Variants in AGAP1 observed in about 807,000 individuals in gnomAD.
The protein encoded by AGAP1 is ArfGAP with GTPase domain, ankyrin repeat and PH domain 1.
Under a neutral mutation model 105.3 loss-of-function variants are expected in AGAP1, and 29 were observed. That is an observed-to-expected ratio of 0.28 (90% CI 0.21 to 0.38). The LOEUF (loss-of-function observed/expected upper bound fraction) is 0.38, where lower values mean the gene tolerates loss of function less well. Among genes scored for constraint, AGAP1 ranks in the 10% least tolerant of loss-of-function variants. AGAP1 has a pLI of 1.00. For synonymous variants in AGAP1, 509 were observed against 485.9 expected (o/e 1.05, Z -0.63); for missense variants, 998 against 1,165.1 (o/e 0.86, Z 2.09).
chr2:235,924,181 A>G (rs942741624), intron 11 of AGAP1, among the ~76,000 whole-genome samples: 3 of 152,128 alleles, frequency 2.0e-5, no homozygotes, highest in Admixed American at 2.0e-4. Flanking sequence ...ATCTTAAGGT[A>G]GTATCTTAGG....
chr2:235,971,825 C>G lies in AGAP1; in HGVS notation c.1645+3202C>G, dbSNP rs1208347887. The stretch of plus-strand genomic sequence containing the variant: ...ACAGGTCCTCGCTCTGTCACCCAGG[C>G]TGGGGTGTAGTGGTGCAGTCACGGC... On this transcript the variant is annotated intron_variant, in intron 13 of 17. Coordinates refer to ENST00000304032, the MANE Select transcript of AGAP1 (RefSeq NM_001037131.3). This position sits in a 1 kb window ranked among gnomAD's most constrained non-coding sequence, Gnocchi z 4.8. 2.0e-5 allele frequency among the ~76,000 whole-genome samples: 3 copies of G among 150,714 alleles called. No homozygotes were observed. The highest frequency in any genetic ancestry group is 3.0e-5 in the Non-Finnish European group (2 of 67,782).
rs1951313380 is a variant in AGAP1, at chr2:235,720,257, T to C, written c.310+2613T>C. 2.0e-5 allele frequency among the ~76,000 whole-genome samples: 3 copies of C among 152,214 alleles called. No individual in the cohort carries two copies. Among genetic ancestry groups the C allele is most frequent in the African/African-American group, 7.2e-5 (3 of 41,456 alleles). On this transcript the variant is annotated intron_variant, in intron 3 of 17. Transcript: ENST00000304032. This position sits in a 1 kb window ranked among gnomAD's most constrained non-coding sequence, Gnocchi z 5.0. Reference sequence around the variant, plus strand: ...TCAATTTTTGTCCAGTGAGTTAGTGTTGATCAATTACCCATGCTTTGCTTA... The same window carrying C: ...TCAATTTTTGTCCAGTGAGTTAGTGCTGATCAATTACCCATGCTTTGCTTA...
chr2:235,807,053 C>T (rs1193295494), intron 8 of AGAP1, among the ~76,000 whole-genome samples, 186 bp from the exon 9 acceptor site: 1 of 152,210 alleles, frequency 6.6e-6, no homozygotes, highest in Non-Finnish European at 1.5e-5. Context: ...AGATGATTCT[C>T]TTTAAAAATG....
Position 235,553,987 on chromosome 2 carries a change from GTTT to G in AGAP1, c.163+59140_163+59142del, listed in dbSNP as rs531063394. Among the ~76,000 whole-genome samples, 9 of 152,286 alleles carry G rather than the reference GTTT, an allele frequency of 5.9e-5. No individual in the cohort carries two copies. In the South Asian group the frequency reaches 1.9e-3, roughly 32 times the overall value. On this transcript the variant is annotated intron_variant, in intron 1 of 17. Coordinates refer to ENST00000304032, the MANE Select transcript of AGAP1 (RefSeq NM_001037131.3). This position sits in a 1 kb window ranked among gnomAD's most constrained non-coding sequence, Gnocchi z 4.5. Reference sequence around the variant, plus strand: ...TGGACCCCTTACTGGGTGGACAAAGGTTTTCTGTGTGACTCACCTCTGGCCAGA... The same window carrying G: ...TGGACCCCTTACTGGGTGGACAAAGGTCTGTGTGACTCACCTCTGGCCAGA...
At chr2:235,921,866 C>T (rs2125107497) in intron 11 of AGAP1, among the ~76,000 whole-genome samples, 1 of 152,324 alleles carries the variant, frequency 6.6e-6, no homozygotes, top group Middle Eastern at 3.4e-3. Flanking sequence ...ATTCCACTTG[C>T]CAAAAGCAAG....
chr2:235,794,381 G>A (rs890868006), intron 6 of AGAP1, among the ~76,000 whole-genome samples: 1 of 152,140 alleles, frequency 6.6e-6, no homozygotes, highest in Non-Finnish European at 1.5e-5. Flanking sequence ...TTTAGATTTG[G>A]GAGTAGCTCA....
Position 235,876,388 on chromosome 2 carries a change from G to A in AGAP1, c.1051-6957G>A, listed in dbSNP as rs533125961. Among the ~76,000 whole-genome samples the A allele has an allele frequency of 3.3e-5, 5 of 152,326 alleles. No homozygotes were observed. In the South Asian group the frequency reaches 1.0e-3, roughly 32 times the overall value. ...ATTCTGATTCTGTGTTGGCCAAGCA[G>A]ATTATAACCCGGCCCTTGCGTGCTA... is the stretch of plus-strand genomic sequence containing the variant. On this transcript the variant is annotated intron_variant, in intron 9 of 17. Coordinates refer to ENST00000304032, the MANE Select transcript of AGAP1 (RefSeq NM_001037131.3).
rs1166523228 is a variant in AGAP1, at chr2:235,604,572, C to CTTTTTTTTTTTTTTT, written c.164-104593_164-104579dup. ...CGTGTTTCTTTTTTATTTTTATTAT[C>CTTTTTTTTTTTTTTT]TTTTTTTTTTTTTTTTTTTTTTTTT... On this transcript the variant is annotated intron_variant, in intron 1 of 17. Coordinates refer to ENST00000304032, the MANE Select transcript of AGAP1 (RefSeq NM_001037131.3). Among the ~76,000 whole-genome samples the CTTTTTTTTTTTTTTT allele has an allele frequency of 5.7e-5, 4 of 69,672 alleles. 1 individual carries two copies. Among genetic ancestry groups the CTTTTTTTTTTTTTTT allele is most frequent in the Non-Finnish European group, 7.4e-5 (3 of 40,348 alleles). 45.7% of individuals were successfully genotyped at this position (69,672 alleles called of 152,430 possible).
intron 9 of AGAP1, among the ~76,000 whole-genome samples, chr2:235,841,113 C>T (rs1960778046): frequency 6.6e-6 from 1 of 152,034 alleles, no homozygotes; most frequent in Non-Finnish European, 1.5e-5. Flanking sequence ...GGAGCAGAAG[C>T]GGCGGCAGGG....
rs565308271 is a variant in AGAP1, at chr2:235,994,200, ACT to A, written c.1645+25581_1645+25582del. ...CTTTTTAAGAGTCTTGTCGTTTCATACTCTCATTTTGGCAAGACACCTTCGTC... is the reference window on the plus strand; with the variant it reads ...CTTTTTAAGAGTCTTGTCGTTTCATACTCATTTTGGCAAGACACCTTCGTC... On this transcript the variant is annotated intron_variant, in intron 13 of 17. Transcript: ENST00000304032. The surrounding 1 kb of genome is among the most constrained non-coding windows in gnomAD (Gnocchi z 4.4). Among the ~76,000 whole-genome samples the A allele has an allele frequency of 9.5e-4, 144 of 152,000 alleles. No homozygotes were observed. Among genetic ancestry groups the A allele is most frequent in the African/African-American group, 3.4e-3 (142 of 41,438 alleles).
rs2124891827 is a variant in AGAP1, at chr2:235,889,371, A to T, written c.1155+5922A>T. 6.6e-6 allele frequency among the ~76,000 whole-genome samples: 1 copy of T among 152,200 alleles called. No homozygotes were observed. The highest frequency in any genetic ancestry group is 1.5e-5 in the Non-Finnish European group (1 of 68,018). ...GGGTCGGCTGCCTGGGAACCTCACG[A>T]ATACTGATCCCCAGGGACTGCGTGT... On this transcript the variant is annotated intron_variant, in intron 10 of 17. Coordinates refer to ENST00000304032, the MANE Select transcript of AGAP1 (RefSeq NM_001037131.3). This position sits in a 1 kb window ranked among gnomAD's most constrained non-coding sequence, Gnocchi z 4.6.
rs1467011234 is a variant in AGAP1, at chr2:236,073,226, A to G, written c.2114+23945A>G. On this transcript the variant is annotated intron_variant, in intron 16 of 17. Coordinates refer to ENST00000304032, the MANE Select transcript of AGAP1 (RefSeq NM_001037131.3). The surrounding 1 kb of genome is among the most constrained non-coding windows in gnomAD (Gnocchi z 5.4). Reference sequence around the variant, plus strand: ...TGGCCAGGCTGGTCTCGAACTCCTGACCTCGTGAACCACCCGCCTCGGCCT... The same window carrying G: ...TGGCCAGGCTGGTCTCGAACTCCTGGCCTCGTGAACCACCCGCCTCGGCCT... Among the ~76,000 whole-genome samples the G allele has an allele frequency of 6.6e-6, 1 of 151,610 alleles. No individual in the cohort carries two copies. Among genetic ancestry groups the G allele is most frequent in the Non-Finnish European group, 1.5e-5 (1 of 67,884 alleles).
chr2:235,682,906 C>G (rs1294520585), intron 1 of AGAP1, among the ~76,000 whole-genome samples: 2 of 152,028 alleles, frequency 1.3e-5, no homozygotes, highest in Admixed American at 6.6e-5. Context: ...CTCACCCCCT[C>G]CAACACAGGG....
chr2:236,110,448 ACC>A, intron 16 of AGAP1, among the ~76,000 whole-genome samples: 1 of 151,916 alleles, frequency 6.6e-6, no homozygotes, highest in African/African-American at 2.4e-5. Flanking sequence ...CTGTAGTTCC[ACC>A]TACTTGGGAG....
Position 236,087,773 on chromosome 2 carries a change from G to A in AGAP1, c.2115-32419G>A, listed in dbSNP as rs1183906698. Among the ~76,000 whole-genome samples, 2 of 152,208 alleles carry A rather than the reference G, an allele frequency of 1.3e-5. No homozygotes were observed. The highest frequency in any genetic ancestry group is 3.2e-3 in the Middle Eastern group (1 of 316). ...ATGAAGCACCAAATAAGAAGTTGGC[G>A]TCCATTAAACTAGATTGATTATTTA... On this transcript the variant is annotated intron_variant, in intron 16 of 17. Transcript: ENST00000304032. The surrounding 1 kb of genome is among the most constrained non-coding windows in gnomAD (Gnocchi z 5.7).
intron 3 of AGAP1, among the ~76,000 whole-genome samples, chr2:235,738,436 G>A (rs1952378529): frequency 6.6e-6 from 1 of 152,114 alleles, no homozygotes; most frequent in Non-Finnish European, 1.5e-5. Context: ...GGCTCGGCAG[G>A]GATTTGAACC....
intron 12 of AGAP1, among the ~76,000 whole-genome samples, chr2:235,950,210 G>A (rs1257438375): frequency 2.0e-5 from 3 of 152,162 alleles, no homozygotes; most frequent in African/African-American, 2.4e-5. Flanking sequence ...AGAAACTCCC[G>A]CCAGTCTCAT....
rs1443669672 is a variant in AGAP1 at position 235,557,414 on chromosome 2, T to C, written c.163+62565T>C. Among the ~76,000 whole-genome samples, 1 of 152,200 alleles carries C rather than the reference T, an allele frequency of 6.6e-6. No homozygotes were observed. The highest frequency in any genetic ancestry group is 2.4e-5 in the African/African-American group (1 of 41,450). On this transcript the variant is annotated intron_variant, in intron 1 of 17. Coordinates refer to ENST00000304032, the MANE Select transcript of AGAP1 (RefSeq NM_001037131.3). This position sits in a 1 kb window ranked among gnomAD's most constrained non-coding sequence, Gnocchi z 4.7. ...GAAATCACTCCGAAGACGGTGATGC[T>C]GGGTACAGGCTCTGGAGTCATCTTG...
intron 1 of AGAP1, among the ~76,000 whole-genome samples, chr2:235,606,824 C>T (rs1429844265): frequency 1.3e-5 from 2 of 151,944 alleles, no homozygotes; most frequent in Non-Finnish European, 2.9e-5. Flanking sequence ...TGGCGCACGC[C>T]TGCAGTCCCA....
Sources: allele counts gnomAD v4.1 joint callset (sites outside exome capture counted in the v4.1 genomes callset), GRCh38; gene constraint gnomAD v4.1.1; non-coding constraint Gnocchi (gnomAD v3.1); transcripts MANE v1.5; gene names NCBI Gene and HGNC (gene_info 2026-07-23, HGNC 2026-07-21).